Variants in FRYL observed in about 807,000 individuals in gnomAD.
FRYL encodes FRY like transcription coactivator, also known as protein furry homolog-like.
FRYL carries 150 observed loss-of-function variants against 351.2 expected under a neutral mutation model. That is an observed-to-expected ratio of 0.43 (90% CI 0.37 to 0.49). The LOEUF (loss-of-function observed/expected upper bound fraction) is 0.49, where lower values mean the gene tolerates loss of function less well. Ranked by LOEUF, FRYL falls within the 20% of genes least tolerant of loss-of-function variation. The pLI is 0.00. For missense variants in FRYL, 3,036 were observed against 3,619.3 expected (o/e 0.84, Z 4.13); for synonymous variants, 1,153 against 1,257.1 (o/e 0.92, Z 1.75).
chr4:48,745,309 T>C (rs1378781303), intron 1 of FRYL, among the ~76,000 whole-genome samples: 1 of 152,134 alleles, frequency 6.6e-6, no homozygotes, highest in Non-Finnish European at 1.5e-5. Context: ...CACACGTATG[T>C]TTATTGCAGC....
intron 2 of FRYL, among the ~76,000 whole-genome samples, chr4:48,708,929 G>GT (rs1553866692): frequency 3.5e-5 from 5 of 141,400 alleles, no homozygotes; most frequent in African/African-American, 1.0e-4. Context: ...TTTGTTTTTT[G>GT]TTTTTTTTTT....
rs1476907877 is a variant in FRYL, at chr4:48,505,595, C to A, written c.8415G>T (p.Arg2805Ser). ...AAEQWLDDCK[R>S]TFGAKEDMYR... is the part of the protein sequence containing the mutation. ...ACATGTCTTCTTTGGCACCAAATGT[C>A]CTCTTACAATCATCTAGCCACTAAA... The change falls in exon 60 of 64, where the codon AGG (arginine) becomes AGT (serine). Residue 2805 changes from arginine (R) to serine (S), a missense_variant. This residue lies in a region of FRYL where 1,987 missense variants were observed against 2,311.7 expected (regional missense o/e 0.86). Transcript: ENST00000358350. 6.2e-7 allele frequency: 1 copy of A among 1,608,438 alleles called. No homozygotes were observed. Among genetic ancestry groups the A allele is most frequent in the African/African-American group, 1.3e-5 (1 of 74,852 alleles).
intron 1 of FRYL, among the ~76,000 whole-genome samples, chr4:48,773,704 T>G (rs188728889): frequency 6.6e-6 from 1 of 152,334 alleles, no homozygotes; most frequent in Non-Finnish European, 1.5e-5. Flanking sequence ...GGCAGGCAGA[T>G]AGCTTCAGCC....
chr4:48,531,131 C>A (rs6855022), intron 50 of FRYL, 25 bp downstream of exon 50: 644,791 of 1,393,716 alleles, frequency 0.46, 153,985 homozygotes, highest in Admixed American at 0.6. Context: ...AGTAGAGTAA[C>A]TTCATCAATT....
At chr4:48,556,414 C>A (rs1453885590) in intron 35 of FRYL, among the ~76,000 whole-genome samples, 1 of 152,184 alleles carries the variant, frequency 6.6e-6, no homozygotes, top group Admixed American at 6.5e-5. Context: ...AAGATGTTAT[C>A]TTCTTCGTTT....
At chr4:48,613,103 A>G (rs561195634) in intron 7 of FRYL, among the ~76,000 whole-genome samples, 1 of 152,356 alleles carries the variant, frequency 6.6e-6, no homozygotes, top group South Asian at 2.1e-4. Flanking sequence ...CTTGGGGATA[A>G]GACCCAAATC....
chr4:48,542,005 G>A, intron 45 of FRYL, 22 bp downstream of exon 45: 1 of 1,526,290 alleles, frequency 6.6e-7, no homozygotes, highest in Non-Finnish European at 9.1e-7. Flanking sequence ...TCTATATTAG[G>A]TTGCCTGGTT....
At chr4:48,576,290 C>A in intron 23 of FRYL, 68 bp from the exon 24 acceptor site, 32 of 1,115,058 alleles carry the variant, frequency 2.9e-5, no homozygotes, top group Non-Finnish European at 3.2e-5. Context: ...TTTATTTTAA[C>A]TAATGCTAAA....
chr4:48,700,404 G>A (rs1766603054), intron 2 of FRYL, among the ~76,000 whole-genome samples: 1 of 152,176 alleles, frequency 6.6e-6, no homozygotes, highest in Non-Finnish European at 1.5e-5. Context: ...TACGTGAAAT[G>A]CAGTATTTTA....
intron 22 of FRYL, 94 bp from the exon 23 acceptor site, chr4:48,579,335 AGTTT>A: frequency 1.0e-6 from 1 of 995,080 alleles, no homozygotes; most frequent in Non-Finnish European, 1.5e-6. Context: ...GTGTATTAGT[AGTTT>A]CTAAAACAAG....
chr4:48,683,327 G>A (rs1461845818), intron 3 of FRYL, among the ~76,000 whole-genome samples: 1 of 151,716 alleles, frequency 6.6e-6, no homozygotes, highest in East Asian at 1.9e-4. Context: ...TAGATGATGG[G>A]TTGATGGGTG....
chr4:48,714,554 C>T (rs1380904086), intron 1 of FRYL, among the ~76,000 whole-genome samples: 22 of 149,518 alleles, frequency 1.5e-4, no homozygotes, highest in Admixed American at 1.3e-3. Context: ...CACATACACC[C>T]TCCCAAGACT....
chr4:48,647,071 G>T (rs1488114288), intron 3 of FRYL, among the ~76,000 whole-genome samples: 2 of 152,164 alleles, frequency 1.3e-5, no homozygotes, highest in Non-Finnish European at 2.9e-5. Flanking sequence ...GAATACCAAA[G>T]TTTGATAAGG....
chr4:48,507,201 T>C (rs1361560624), intron 59 of FRYL, among the ~76,000 whole-genome samples: 1 of 152,192 alleles, frequency 6.6e-6, no homozygotes, highest in Non-Finnish European at 1.5e-5. Flanking sequence ...CTATTCAAAA[T>C]ATTGCTGATT....
At chr4:48,616,358 AT>A (rs1344894673) in intron 7 of FRYL, among the ~76,000 whole-genome samples, 49 of 152,330 alleles carry the variant, frequency 3.2e-4, no homozygotes, top group African/African-American at 1.1e-3. Flanking sequence ...AATCACTACA[AT>A]TAAGAACATT....
intron 10 of FRYL, among the ~76,000 whole-genome samples, chr4:48,606,206 G>A (rs1227404086): frequency 6.6e-6 from 1 of 151,864 alleles, no homozygotes; most frequent in Non-Finnish European, 1.5e-5. Flanking sequence ...CAGGAAGGTG[G>A]AGGTTGCAGT....
chr4:48,581,424 G>C lies in FRYL; in HGVS notation c.2168C>G (p.Pro723Arg). The C allele has an allele frequency of 1.2e-6, 2 of 1,603,316 alleles. No individual in the cohort carries two copies. The highest frequency in any genetic ancestry group is 1.7e-6 in the Non-Finnish European group (2 of 1,176,128). ...AATGAAATACCTAAATCTTACCTTA[G>C]GTATTTCCAGAAGTGCAAATAAAGC... ...IRALFALLEIPKGDDELAIDV... is the reference protein window; with the variant it reads ...IRALFALLEIRKGDDELAIDV... Residue 723 changes from proline (P) to arginine (R), a missense_variant, in exon 21 of 64, where the codon CCT (proline) becomes CGT (arginine). Physicochemically the swap from Pro to Arg is moderately radical, Grantham distance 103. Around this residue, in one of 7 missense-constraint regions of FRYL, gnomAD observed 492 missense variants for 551.5 expected, o/e 0.89. Coordinates refer to ENST00000358350, the MANE Select transcript of FRYL (RefSeq NM_015030.2).
At chr4:48,710,331 AT>A (rs1195991107) in intron 2 of FRYL, among the ~76,000 whole-genome samples, 187 bp downstream of exon 2, 1 of 152,240 alleles carries the variant, frequency 6.6e-6, no homozygotes, top group Admixed American at 6.5e-5. Flanking sequence ...ATGTGTTTAT[AT>A]TCTTCATAAA....
chr4:48,585,706 C>T (rs1741959947), intron 19 of FRYL, among the ~76,000 whole-genome samples: 1 of 152,168 alleles, frequency 6.6e-6, no homozygotes, highest in Non-Finnish European at 1.5e-5. Context: ...TATTGATACA[C>T]AACAGTTGTA....
Sources: allele counts gnomAD v4.1 joint callset (sites outside exome capture counted in the v4.1 genomes callset), GRCh38; gene constraint gnomAD v4.1.1; regional missense constraint gnomAD v4.1.1; transcripts MANE v1.5; gene names NCBI Gene and HGNC (gene_info 2026-07-23, HGNC 2026-07-21).